GNA12: variants seen among roughly 807,000 people sequenced by gnomAD.
The protein encoded by GNA12 is guanine nucleotide-binding protein subunit alpha-12.
Under a neutral mutation model 26.0 loss-of-function variants are expected in GNA12, and 9 were observed. The observed-to-expected ratio is 0.35, with a 90% confidence interval of 0.21 to 0.60. The LOEUF (loss-of-function observed/expected upper bound fraction) is 0.60, where lower values mean the gene tolerates loss of function less well. Among genes scored for constraint, GNA12 ranks in the 20% least tolerant of loss-of-function variants. The pLI is 0.78. For missense variants in GNA12, 405 were observed against 525.8 expected, an observed-to-expected ratio of 0.77 and a Z score of 2.25; for synonymous variants, 264 against 219.6, an observed-to-expected ratio of 1.20 and a Z score of -1.79.
At chr7:2,754,044 C>G (rs567412617) in intron 2 of GNA12, among the ~76,000 whole-genome samples, 2 of 152,332 alleles carry the variant, frequency 1.3e-5, no homozygotes, top group African/African-American at 4.8e-5. Flanking sequence ...TACTCTCTGC[C>G]AAACTCTTTT....
chr7:2,816,952 C>T (rs1054630906), intron 1 of GNA12, among the ~76,000 whole-genome samples: 1 of 152,192 alleles, frequency 6.6e-6, no homozygotes, highest in Admixed American at 6.5e-5. Context: ...TTCACTGATG[C>T]CCCTGCTCTC....
At chr7:2,748,600 G>C (rs939467777) in intron 2 of GNA12, among the ~76,000 whole-genome samples, 3 of 152,062 alleles carry the variant, frequency 2.0e-5, no homozygotes, top group Non-Finnish European at 4.4e-5. Context: ...ATAGGCATGG[G>C]CAAGGACTTC....
At position 2,807,300 on chromosome 7, in the gene GNA12, CAAT is replaced by C. The variant is rs571759387; in HGVS notation, c.310-12160_310-12158del. On this transcript the variant is annotated intron_variant, in intron 1 of 3. Transcript: ENST00000275364. Reference sequence around the variant, plus strand: ...TTTTCCTCTAAGTCCCATTATAATACAATAATAAGTAATAAAGTACCAATTAGT... The same window carrying C: ...TTTTCCTCTAAGTCCCATTATAATACAATAAGTAATAAAGTACCAATTAGT... Among the ~76,000 whole-genome samples the C allele has an allele frequency of 5.0e-3, 762 of 152,152 alleles. 8 individuals are homozygous for C. Among genetic ancestry groups the C allele is most frequent in the African/African-American group, 0.017 (703 of 41,516 alleles).
intron 1 of GNA12, among the ~76,000 whole-genome samples, chr7:2,796,015 C>G (rs940113815): frequency 1.3e-5 from 2 of 151,918 alleles, no homozygotes; most frequent in Non-Finnish European, 2.9e-5. Flanking sequence ...AGATTACAGA[C>G]CACCACGGAC....
rs1231276530 is a variant in GNA12 at position 2,731,247 on chromosome 7, G to A, written c.1080C>T (p.Arg360=). The change falls in exon 4 of 4, where the codon CGC becomes CGT. Residue 360 remains arginine (R), a synonymous_variant. Transcript: ENST00000275364. The surrounding 1 kb of genome is among the most constrained non-coding windows in gnomAD (Gnocchi z 6.0). ...TGTCTTTCACAGCATGGAACACGAA[G>A]CGGACGTTCTCGGTGTCGATGGCGG... is the stretch of plus-strand genomic sequence containing the variant. ...FTTAIDTENV[R]FVFHAVKDTI... The A allele has an allele frequency of 4.3e-6, 7 of 1,613,958 alleles. No homozygotes were observed. The highest frequency in any genetic ancestry group is 5.9e-6 in the Non-Finnish European group (7 of 1,179,988).
intron 1 of GNA12, among the ~76,000 whole-genome samples, chr7:2,803,966 C>T (rs577066769): frequency 6.6e-6 from 1 of 152,344 alleles, no homozygotes; most frequent in South Asian, 2.1e-4. Context: ...CCAGCCATGG[C>T]CATGGGCAGA....
chr7:2,762,897 C>T (rs1312482233), intron 2 of GNA12: 20 of 1,423,924 alleles, frequency 1.4e-5, no homozygotes, highest in Admixed American at 3.0e-5. Flanking sequence ...ATTGGTGCTG[C>T]GGCGGGGAGA....
chr7:2,741,208 C>G (rs547732171), intron 2 of GNA12, among the ~76,000 whole-genome samples: 2 of 152,158 alleles, frequency 1.3e-5, no homozygotes, highest in African/African-American at 2.4e-5. Context: ...AGCACCTAGA[C>G]TAGGTGTGGC....
intron 2 of GNA12, among the ~76,000 whole-genome samples, chr7:2,756,126 G>T (rs1791281174): frequency 6.6e-6 from 1 of 152,168 alleles, no homozygotes; most frequent in Non-Finnish European, 1.5e-5. Context: ...ATAGAAATGA[G>T]AGTGCAGAAA....
At chr7:2,758,762 G>A (rs1212972963) in intron 2 of GNA12, among the ~76,000 whole-genome samples, 2 of 152,188 alleles carry the variant, frequency 1.3e-5, no homozygotes, top group Admixed American at 6.5e-5. Context: ...GCCCACCTCT[G>A]GTTCAGTGGA....
intron 2 of GNA12, among the ~76,000 whole-genome samples, chr7:2,761,055 C>CG (rs1242801780): frequency 6.6e-6 from 1 of 152,204 alleles, no homozygotes. Context: ...GACATGTAAA[C>CG]GGAGTCAGGA....
intron 2 of GNA12, among the ~76,000 whole-genome samples, chr7:2,734,070 A>G (rs1027941772): frequency 3.9e-5 from 6 of 152,142 alleles, no homozygotes; most frequent in African/African-American, 1.4e-4. Flanking sequence ...TTCCATTTGG[A>G]TTGTTGTGGT....
At chr7:2,751,826 A>C (rs1791054660) in intron 2 of GNA12, among the ~76,000 whole-genome samples, 1 of 152,220 alleles carries the variant, frequency 6.6e-6, no homozygotes, top group South Asian at 2.1e-4. Context: ...GAAATAGAAA[A>C]TTTGAACAGC....
chr7:2,735,486 C>T (rs1790122974), intron 2 of GNA12, among the ~76,000 whole-genome samples: 1 of 152,112 alleles, frequency 6.6e-6, no homozygotes, highest in Non-Finnish European at 1.5e-5. Context: ...AGTACGGACG[C>T]AAGGGGAAAA....
chr7:2,790,780 G>A (rs563639161), intron 2 of GNA12, among the ~76,000 whole-genome samples: 1 of 152,290 alleles, frequency 6.6e-6, no homozygotes, highest in Non-Finnish European at 1.5e-5. Context: ...ACTAGCCTGG[G>A]CAACATAGTA....
At chr7:2,780,630 T>G (rs897445058) in intron 2 of GNA12, among the ~76,000 whole-genome samples, 1 of 152,190 alleles carries the variant, frequency 6.6e-6, no homozygotes, top group Non-Finnish European at 1.5e-5. Context: ...TATATGTGCT[T>G]ATGTATGAAT....
At position 2,742,608 on chromosome 7, in the gene GNA12, G is replaced by A. The variant is rs114489186; in HGVS notation, c.526-9107C>T. Among the ~76,000 whole-genome samples, 807 of 152,206 alleles carry A rather than the reference G, an allele frequency of 5.3e-3. 7 individuals are homozygous for A. Among genetic ancestry groups the A allele is most frequent in the African/African-American group, 0.018 (758 of 41,518 alleles). ...GCACTGAGTCTCGCCGGCCCTTTGC[G>A]TTTCCATATTAGTTCTAAAGTCAGC... On this transcript the variant is annotated intron_variant, in intron 2 of 3. Transcript: ENST00000275364.
At chr7:2,835,380 C>T (rs906937229) in intron 1 of GNA12, among the ~76,000 whole-genome samples, 1 of 152,194 alleles carries the variant, frequency 6.6e-6, no homozygotes. Context: ...CTAGGCTGTT[C>T]CCCACACCCC....
chr7:2,739,084 G>A (rs145571412), intron 2 of GNA12, among the ~76,000 whole-genome samples: 140 of 152,316 alleles, frequency 9.2e-4, no homozygotes, highest in African/African-American at 3.3e-3. Flanking sequence ...TGTCCTCGGC[G>A]TGTGCAGGGT....
Sources: allele counts gnomAD v4.1 joint callset (sites outside exome capture counted in the v4.1 genomes callset), GRCh38; gene constraint gnomAD v4.1.1; non-coding constraint Gnocchi (gnomAD v3.1); transcripts MANE v1.5; gene names NCBI Gene and HGNC (gene_info 2026-07-23, HGNC 2026-07-21).